The following OSBPL8 variants were observed in gnomAD, a reference collection of about 807,000 sequenced individuals.
OSBPL8 encodes the protein oxysterol binding protein like 8.
A neutral mutation model predicts 125.5 loss-of-function variants in OSBPL8; 59 were observed. The observed-to-expected ratio is 0.47, with a 90% CI of 0.38 to 0.58. The LOEUF (loss-of-function observed/expected upper bound fraction) is 0.58. OSBPL8 is among the 20% of genes least tolerant of loss of function. The probability of loss-of-function intolerance (pLI) is 0.00; values close to 1 mark genes in which losing one functional copy is unlikely to be tolerated. For synonymous variants in OSBPL8, 330 were observed against 338.9 expected (o/e 0.97, Z 0.29); for missense variants, 758 against 1,047.8 (o/e 0.72, Z 3.82).
At chr12:76,362,395 C>T (rs1481734876) in intron 21 of OSBPL8, among the ~76,000 whole-genome samples, 17 of 152,164 alleles carry the variant, frequency 1.1e-4, no homozygotes, top group South Asian at 8.3e-4. Context: ...AATCAATAAA[C>T]GTAATCCATC....
chr12:76,451,105 A>G (rs1426138653), intron 3 of OSBPL8, 117 bp from the exon 4 acceptor site: 3 of 1,092,698 alleles, frequency 2.7e-6, no homozygotes, highest in Non-Finnish European at 3.8e-6. Flanking sequence ...TATTCATTTT[A>G]CCAACTCAAT....
chr12:76,378,557 TA>T lies in OSBPL8; in HGVS notation c.1631-8del. The T allele has an allele frequency of 6.4e-7, 1 of 1,557,624 alleles. No homozygotes were observed. Among genetic ancestry groups the T allele is most frequent in the Non-Finnish European group, 8.8e-7 (1 of 1,141,766 alleles). Reference sequence around the variant, plus strand: ...ATTGCAGATAATGAGTTTCCTGAAATAAAATGTTGTTTATTAAATTTCACAA... The same window carrying T: ...ATTGCAGATAATGAGTTTCCTGAAATAAATGTTGTTTATTAAATTTCACAA... On this transcript the variant is annotated splice_polypyrimidine_tract_variant and splice_region_variant and intron_variant, in intron 15 of 23. Transcript: ENST00000261183.
intron 2 of OSBPL8, 34 bp from the exon 3 acceptor site, chr12:76,459,929 T>C (rs755815802): frequency 2.0e-5 from 33 of 1,611,842 alleles, no homozygotes; most frequent in Non-Finnish European, 2.6e-5. Context: ...AGCAAACAAA[T>C]ACAGTCCAAA....
At chr12:76,415,437 G>A (rs957852329) in intron 4 of OSBPL8, among the ~76,000 whole-genome samples, 3 of 151,746 alleles carry the variant, frequency 2.0e-5, no homozygotes, top group African/African-American at 7.3e-5. Flanking sequence ...TAGTAAAGAC[G>A]GGGTTTCACC....
intron 2 of OSBPL8, chr12:76,486,215 C>T (rs1019482338): frequency 3.6e-6 from 1 of 278,300 alleles, no homozygotes; most frequent in Non-Finnish European, 7.3e-6. Flanking sequence ...TAATATTAGT[C>T]AGCAAAACTG....
chr12:76,529,332 C>T (rs1013491687), intron 1 of OSBPL8, among the ~76,000 whole-genome samples: 3 of 152,086 alleles, frequency 2.0e-5, no homozygotes, highest in African/African-American at 7.2e-5. Flanking sequence ...GCACTTGTTA[C>T]TATCCCCTTC....
chr12:76,532,478 T>C (rs1565976738), intron 1 of OSBPL8, among the ~76,000 whole-genome samples: 1 of 152,136 alleles, frequency 6.6e-6, no homozygotes, highest in Non-Finnish European at 1.5e-5. Context: ...TCATGGCAAA[T>C]CTATAAAGGC....
chr12:76,517,108 C>T (rs925411183), intron 1 of OSBPL8, among the ~76,000 whole-genome samples: 9 of 152,306 alleles, frequency 5.9e-5, no homozygotes, highest in South Asian at 2.1e-4. Flanking sequence ...GCCATCACGC[C>T]GGCCCAATGT....
At chr12:76,513,156 G>C (rs562097792) in intron 1 of OSBPL8, among the ~76,000 whole-genome samples, 1 of 152,312 alleles carries the variant, frequency 6.6e-6, no homozygotes, top group South Asian at 2.1e-4. Context: ...TGTGGTCCAA[G>C]AGCATGTTTG....
chr12:76,533,661 A>G (rs1950413276), intron 1 of OSBPL8, among the ~76,000 whole-genome samples: 1 of 152,234 alleles, frequency 6.6e-6, no homozygotes, highest in Non-Finnish European at 1.5e-5. Context: ...AAATGAGATT[A>G]TTAACCTCAT....
intron 1 of OSBPL8, among the ~76,000 whole-genome samples, chr12:76,500,713 C>T (rs1168645543): frequency 6.6e-6 from 1 of 152,134 alleles, no homozygotes. Context: ...TAAAGATTTT[C>T]CTTCTTTTTT....
At chr12:76,392,322 A>G (rs541578222) in intron 10 of OSBPL8, among the ~76,000 whole-genome samples, 15 of 152,356 alleles carry the variant, frequency 9.8e-5, no homozygotes, top group Admixed American at 9.8e-4. Context: ...AAGGGACATC[A>G]TGCACAGACA....
chr12:76,410,024 G>A (rs377665522), intron 5 of OSBPL8, among the ~76,000 whole-genome samples: 7 of 151,318 alleles, frequency 4.6e-5, no homozygotes, highest in South Asian at 4.2e-4. Context: ...ATCACATGGC[G>A]TTTCTCAAAT....
At chr12:76,379,574 CA>C (rs1952959414) in intron 15 of OSBPL8, among the ~76,000 whole-genome samples, 1 of 152,190 alleles carries the variant, frequency 6.6e-6, no homozygotes, top group Non-Finnish European at 1.5e-5. Flanking sequence ...CATTTTAAAT[CA>C]CTGGCTTTAC....
At chr12:76,400,369 G>C (rs1206433797) in intron 6 of OSBPL8, among the ~76,000 whole-genome samples, 1 of 152,152 alleles carries the variant, frequency 6.6e-6, no homozygotes, top group Non-Finnish European at 1.5e-5. Flanking sequence ...GTATTCCATG[G>C]TGTACCACGT....
intron 4 of OSBPL8, among the ~76,000 whole-genome samples, chr12:76,450,568 CA>C: frequency 6.6e-6 from 1 of 151,684 alleles, no homozygotes; most frequent in Non-Finnish European, 1.5e-5. Context: ...TTTAAGACTA[CA>C]AAGGAACCAT....
intron 2 of OSBPL8, among the ~76,000 whole-genome samples, chr12:76,477,415 A>C (rs967619621): frequency 1.2e-4 from 18 of 152,206 alleles, no homozygotes; most frequent in African/African-American, 4.3e-4. Flanking sequence ...ACGGCACTTT[A>C]TCTCTGTGGT....
chr12:76,360,985 T>C (rs1952183988), intron 21 of OSBPL8, among the ~76,000 whole-genome samples: 1 of 152,224 alleles, frequency 6.6e-6, no homozygotes, highest in Non-Finnish European at 1.5e-5. Context: ...GGAGACATTT[T>C]CCCCATTTTC....
intron 2 of OSBPL8, among the ~76,000 whole-genome samples, chr12:76,476,778 C>G (rs1876855484): frequency 6.6e-6 from 1 of 152,134 alleles, no homozygotes; most frequent in Admixed American, 6.5e-5. Context: ...GAAAAGACTT[C>G]CCAAGTCTCA....
Sources: gnomAD v4.1 joint callset for allele counts (sites outside exome capture counted in the v4.1 genomes callset) on GRCh38, gnomAD v4.1.1 for gene constraint, MANE v1.5 for transcripts, NCBI Gene and HGNC (gene_info 2026-07-23, HGNC 2026-07-21) for gene names.